Variants in AFF2 observed in about 807,000 individuals in gnomAD.
AFF2 encodes ALF transcription elongation factor 2, also known as AF4/FMR2 family member 2.
A neutral mutation model predicts 76.9 loss-of-function variants in AFF2; 14 were observed. That is an observed-to-expected ratio of 0.18 (90% CI 0.12 to 0.28). The LOEUF is 0.28. Among genes scored for constraint, AFF2 ranks in the 10% least tolerant of loss-of-function variants. The pLI, the probability that AFF2 is intolerant of heterozygous loss-of-function variation, is 1.00. For synonymous variants in AFF2, 398 were observed against 366.7 expected, an observed-to-expected ratio of 1.09 and a Z score of -0.98; for missense variants, 868 against 1,001.1, an observed-to-expected ratio of 0.87 and a Z score of 1.79.
chrX:148,849,149 A>G, intron 7 of AFF2, among the ~76,000 whole-genome samples: 1 of 111,263 alleles, frequency 9.0e-6, no homozygotes, highest in Non-Finnish European at 1.9e-5. Context: ...ATGGGTACCA[A>G]GATCTAAAAT....
chrX:148,971,130 T>G, intron 15 of AFF2, among the ~76,000 whole-genome samples: 1 of 108,620 alleles, frequency 9.2e-6, no homozygotes, highest in Non-Finnish European at 1.9e-5. Flanking sequence ...TTCATTGTTT[T>G]TTTTTTTTTT....
chrX:148,991,244 C>G lies in AFF2; in HGVS notation c.3848C>G (p.Pro1283Arg), dbSNP rs2072530169. The part of the protein sequence containing the change: ...FFGDLDTLMG[P>R]LTQHSSMTNL... ...GGTGATCTGGACACGCTGATGGGGCCTCTGACCCAGCACAGCAGCATGACC... is the reference window on the plus strand; with the variant it reads ...GGTGATCTGGACACGCTGATGGGGCGTCTGACCCAGCACAGCAGCATGACC... The change falls in exon 21 of 21, where the codon CCT becomes CGT. Residue 1283 changes from proline (P) to arginine (R), a missense_variant. Around this residue, in one of 6 missense-constraint regions of AFF2, gnomAD observed 33 missense variants for 63.6 expected, o/e 0.52. Transcript: ENST00000370460. 1 of 1,208,812 alleles carries G rather than the reference C, an allele frequency of 8.3e-7. No individual in the cohort carries two copies. The highest frequency in any genetic ancestry group is 1.1e-6 in the Non-Finnish European group (1 of 893,678).
intron 1 of AFF2, among the ~76,000 whole-genome samples, chrX:148,599,658 T>A (rs2053607948): frequency 9.0e-6 from 1 of 111,687 alleles, no homozygotes; most frequent in South Asian, 3.8e-4. Context: ...CATTATGTAT[T>A]ACGAAGAGGA....
At chrX:148,939,965 T>A (rs1466235268) in intron 9 of AFF2, among the ~76,000 whole-genome samples, 1 of 112,041 alleles carries the variant, frequency 8.9e-6, no homozygotes, top group African/African-American at 3.2e-5. Flanking sequence ...GAAATATAAT[T>A]ATAGTGAAAG....
chrX:148,991,363 C>T lies in AFF2; in HGVS notation c.*31C>T. The stretch of plus-strand genomic sequence containing the variant: ...GTTCTCAGATCTCTAGCATCACGAC[C>T]CATCACTCTACCTCTACCAGCGCAC... On this transcript the variant is annotated 3_prime_UTR_variant, in exon 21 of 21. Coordinates refer to ENST00000370460, the MANE Select transcript of AFF2 (RefSeq NM_002025.4). 8.5e-7 allele frequency: 1 copy of T among 1,174,269 alleles called. No individual in the cohort carries two copies.
chrX:148,502,142 C>T (rs2052360893), intron 1 of AFF2, among the ~76,000 whole-genome samples: 1 of 112,203 alleles, frequency 8.9e-6, no homozygotes, highest in Non-Finnish European at 1.9e-5. Context: ...AGATTCCCCC[C>T]GCAGTCTAAG....
intron 7 of AFF2, among the ~76,000 whole-genome samples, chrX:148,883,498 G>A (rs1247797095): frequency 1.8e-5 from 2 of 111,528 alleles, no homozygotes; most frequent in Non-Finnish European, 3.8e-5. Flanking sequence ...ACAGATGAGG[G>A]ACACAGATGA....
chrX:148,539,781 A>G (rs975239731), intron 1 of AFF2, among the ~76,000 whole-genome samples: 3 of 111,276 alleles, frequency 2.7e-5, no homozygotes, highest in African/African-American at 9.8e-5. Context: ...AAAGCACACC[A>G]TTGAAATCTA....
intron 3 of AFF2, among the ~76,000 whole-genome samples, chrX:148,701,628 C>T (rs1557261888): frequency 1.8e-5 from 2 of 112,232 alleles, no homozygotes; most frequent in Admixed American, 9.4e-5. Context: ...CACTATTTTC[C>T]TGAAGAAACA....
chrX:148,700,584 C>T (rs1557261731), intron 3 of AFF2, among the ~76,000 whole-genome samples: 1 of 110,381 alleles, frequency 9.1e-6, no homozygotes, highest in South Asian at 3.8e-4. Flanking sequence ...TTCCAATAAG[C>T]TCTTCTGTCC....
chrX:148,952,260 A>C (rs782253985), intron 9 of AFF2, among the ~76,000 whole-genome samples: 1 of 111,497 alleles, frequency 9.0e-6, no homozygotes, highest in South Asian at 3.8e-4. Flanking sequence ...GGGGCTGGGG[A>C]ATTCTTGCGG....
intron 3 of AFF2, among the ~76,000 whole-genome samples, chrX:148,747,212 T>C (rs782362467): frequency 8.1e-5 from 9 of 111,176 alleles, no homozygotes; most frequent in Non-Finnish European, 1.7e-4. Context: ...CTTCCCTTGA[T>C]CCTGACTTCA....
At position 148,741,060 on chromosome X, in the gene AFF2, T is replaced by C. The variant is rs182078939; in HGVS notation, c.1042-68816T>C. On this transcript the variant is annotated intron_variant, in intron 3 of 20. Coordinates refer to ENST00000370460, the MANE Select transcript of AFF2 (RefSeq NM_002025.4). ...CTGTTCTGGTAGAGGTGATGGAGGG[T>C]GCAATGGACTCTGTGAGGGCCCTTA... 4.5e-3 allele frequency among the ~76,000 whole-genome samples: 507 copies of C among 111,581 alleles called. 3 individuals carry two copies. Among genetic ancestry groups the C allele is most frequent in the African/African-American group, 0.016 (477 of 30,665 alleles).
chrX:148,680,433 A>G (rs1354391209), intron 3 of AFF2, among the ~76,000 whole-genome samples: 5 of 112,130 alleles, frequency 4.5e-5, no homozygotes, highest in African/African-American at 1.6e-4. Flanking sequence ...ACCAGAAACA[A>G]GTCTGACATT....
intron 1 of AFF2, among the ~76,000 whole-genome samples, chrX:148,591,990 T>C (rs377363896): frequency 8.9e-6 from 1 of 112,085 alleles, no homozygotes; most frequent in African/African-American, 3.3e-5. Context: ...AACTCCTGTG[T>C]CATGGCTGAT....
chrX:148,614,808 C>T (rs1054636167), intron 1 of AFF2, among the ~76,000 whole-genome samples: 1 of 97,358 alleles, frequency 1.0e-5, no homozygotes, highest in Admixed American at 1.2e-4. Context: ...CTCTCTCTCT[C>T]TCTCTCGCTC....
At chrX:148,622,924 C>T (rs2053883469) in intron 1 of AFF2, among the ~76,000 whole-genome samples, 3 of 111,839 alleles carry the variant, frequency 2.7e-5, no homozygotes, top group African/African-American at 9.7e-5. Context: ...TAACCTTTTA[C>T]TCCAACTACA....
chrX:148,570,230 G>T (rs781962151), intron 1 of AFF2, among the ~76,000 whole-genome samples: 1 of 111,760 alleles, frequency 8.9e-6, no homozygotes, highest in South Asian at 3.7e-4. Flanking sequence ...TGCTTAAGAT[G>T]AAATTTCATA....
intron 3 of AFF2, among the ~76,000 whole-genome samples, chrX:148,669,604 G>A (rs782111443): frequency 4.5e-5 from 5 of 110,953 alleles, no homozygotes; most frequent in East Asian, 2.9e-4. Context: ...ATCAGATCTC[G>A]TGAGACTTAC....
Sources: gnomAD v4.1 joint callset for allele counts (sites outside exome capture counted in the v4.1 genomes callset) on GRCh38, gnomAD v4.1.1 for gene constraint, gnomAD v4.1.1 regional missense constraint, MANE v1.5 for transcripts, NCBI Gene and HGNC (gene_info 2026-07-23, HGNC 2026-07-21) for gene names.